The following OR6C74 variants were observed in gnomAD, a reference collection of about 807,000 sequenced individuals.
The protein encoded by OR6C74 is olfactory receptor 6C74.
For missense variants in OR6C74, 361 were observed against 362.9 expected, an observed-to-expected ratio of 0.99 and a Z score of 0.04; for synonymous variants, 142 against 134.2, an observed-to-expected ratio of 1.06 and a Z score of -0.40.
rs1467179154 is a variant in OR6C74, at chr12:55,254,495, C to T, written c.*6269C>T. On this transcript the variant is annotated 3_prime_UTR_variant, in exon 2 of 2. Transcript: ENST00000343399. Reference sequence around the variant, plus strand: ...TTAACCAATATTGCTGTATAATAAACTGCGAGATCAGAGCCTACCTTTGTT... The same window carrying T: ...TTAACCAATATTGCTGTATAATAAATTGCGAGATCAGAGCCTACCTTTGTT... 1.3e-5 allele frequency among the ~76,000 whole-genome samples: 2 copies of T among 152,024 alleles called. No homozygotes were observed. The highest frequency in any genetic ancestry group is 3.9e-4 in the East Asian group (2 of 5,182).
intron 1 of OR6C74, among the ~76,000 whole-genome samples, chr12:55,246,472 A>C (rs1182546002): frequency 6.6e-6 from 1 of 152,166 alleles, no homozygotes; most frequent in East Asian, 1.9e-4. Context: ...TTCCTGCCTC[A>C]TTCTTCCAAG....
In OR6C74 at chr12:55,247,677, C is replaced by T. The variant is rs1290288114; in HGVS notation, c.390C>T (p.Tyr130=). The change falls in exon 2 of 2, where the codon TAC becomes TAT. Residue 130 remains tyrosine, a synonymous_variant. Coordinates refer to ENST00000343399, the MANE Select transcript of OR6C74 (RefSeq NM_001005490.2). ...RYVAICKPLH[Y]TTIMSSRVCS... is the part of the protein sequence containing the mutation. The stretch of plus-strand genomic sequence containing the variant: ...TGGCCATCTGCAAACCCCTGCATTA[C>T]ACCACCATCATGAGCAGCAGAGTTT... 1.9e-6 allele frequency: 3 copies of T among 1,614,008 alleles called. No homozygotes were observed. Among genetic ancestry groups the T allele is most frequent in the Non-Finnish European group, 2.5e-6 (3 of 1,179,978 alleles).
chr12:55,247,249 T>G (rs1265798664), intron 1 of OR6C74, 30 bp from the exon 2 acceptor site: 6 of 1,308,538 alleles, frequency 4.6e-6, no homozygotes, highest in Non-Finnish European at 6.4e-6. Flanking sequence ...CCTCTTCTGT[T>G]CTAATTTTTC....
In OR6C74 at chr12:55,244,829, G is replaced by A. The variant is rs1954261168; in HGVS notation, c.-10+12G>A. On this transcript the variant is annotated intron_variant, in intron 1 of 1. Transcript: ENST00000343399. ...AGAAATGAACCTAGGTAAGATTAAT[G>A]TCATAATAAAATCTTCAAGCCTAAA... is the stretch of plus-strand genomic sequence containing the variant. 6.6e-6 allele frequency among the ~76,000 whole-genome samples: 1 copy of A among 151,950 alleles called. No homozygotes were observed. The highest frequency in any genetic ancestry group is 2.4e-5 in the African/African-American group (1 of 41,382).
Position 55,249,584 on chromosome 12 carries a change from C to T in OR6C74, c.*1358C>T, listed in dbSNP as rs1332216004. 4.0e-5 allele frequency among the ~76,000 whole-genome samples: 6 copies of T among 151,838 alleles called. No individual in the cohort carries two copies. In the East Asian group the frequency reaches 7.7e-4, roughly 20 times the overall value. The stretch of plus-strand genomic sequence containing the variant: ...TATCTAAATAAATATTAACAGGGCA[C>T]TGAGAAGCTGAGAAGATTCAAATAG... On this transcript the variant is annotated 3_prime_UTR_variant, in exon 2 of 2. Transcript: ENST00000343399.
Position 55,250,675 on chromosome 12 carries a change from A to T in OR6C74, c.*2449A>T, listed in dbSNP as rs1005111467. On this transcript the variant is annotated 3_prime_UTR_variant, in exon 2 of 2. Transcript: ENST00000343399. ...AAAAATATTAAAATCTCATTTGTTC[A>T]CCTGTTTAACTCATTTCTAATATTC... Among the ~76,000 whole-genome samples, 1 of 152,048 alleles carries T rather than the reference A, an allele frequency of 6.6e-6. No homozygotes were observed. The highest frequency in any genetic ancestry group is 2.4e-5 in the African/African-American group (1 of 41,414).
chr12:55,255,181 T>C lies in OR6C74; in HGVS notation c.*6955T>C, dbSNP rs772978198. ...TCTCTTTAAAATAGTGGGGGTTCCC[T>C]AAGTTCAGGATTTCACAGTTGTGTT... On this transcript the variant is annotated 3_prime_UTR_variant, in exon 2 of 2. Coordinates refer to ENST00000343399, the MANE Select transcript of OR6C74 (RefSeq NM_001005490.2). Among the ~76,000 whole-genome samples the C allele has an allele frequency of 6.6e-6, 1 of 152,108 alleles. No homozygotes were observed. The highest frequency in any genetic ancestry group is 1.5e-5 in the Non-Finnish European group (1 of 68,002).
chr12:55,246,276 A>G (rs938249706), intron 1 of OR6C74, among the ~76,000 whole-genome samples: 6 of 152,202 alleles, frequency 3.9e-5, no homozygotes, highest in African/African-American at 1.2e-4. Context: ...AAGAAAAGAG[A>G]TGGCCATGGC....
rs996708353 is a variant in OR6C74 at position 55,251,647 on chromosome 12, T to C, written c.*3421T>C. The stretch of plus-strand genomic sequence containing the variant: ...GCAATATGAAAAAAAAATTAGGTGT[T>C]AGAAAACTACAAGTTTACTATAAAT... On this transcript the variant is annotated 3_prime_UTR_variant, in exon 2 of 2. Coordinates refer to ENST00000343399, the MANE Select transcript of OR6C74 (RefSeq NM_001005490.2). 7.2e-5 allele frequency among the ~76,000 whole-genome samples: 11 copies of C among 151,896 alleles called. No individual in the cohort carries two copies. Among genetic ancestry groups the C allele is most frequent in the Admixed American group, 2.0e-4 (3 of 15,224 alleles).
chr12:55,252,785 C>T lies in OR6C74; in HGVS notation c.*4559C>T, dbSNP rs1954319499. Among the ~76,000 whole-genome samples the T allele has an allele frequency of 2.0e-5, 3 of 151,936 alleles. No homozygotes were observed. ...TAGGGAAGGGAAAACTAGGCTATGTCTACTTATAAAATAAAATTCCATAAT... is the reference window on the plus strand; with the variant it reads ...TAGGGAAGGGAAAACTAGGCTATGTTTACTTATAAAATAAAATTCCATAAT... On this transcript the variant is annotated 3_prime_UTR_variant, in exon 2 of 2. Coordinates refer to ENST00000343399, the MANE Select transcript of OR6C74 (RefSeq NM_001005490.2).
At chr12:55,245,281 T>C (rs1285996382) in intron 1 of OR6C74, among the ~76,000 whole-genome samples, 3 of 152,164 alleles carry the variant, frequency 2.0e-5, no homozygotes, top group Admixed American at 6.5e-5. Flanking sequence ...CAACATACAA[T>C]TGAATCTCAG....
At position 55,252,512 on chromosome 12, in the gene OR6C74, A is replaced by AT. The variant is rs1353800109; in HGVS notation, c.*4287dup. Among the ~76,000 whole-genome samples the AT allele has an allele frequency of 6.6e-6, 1 of 151,986 alleles. No individual in the cohort carries two copies. The highest frequency in any genetic ancestry group is 6.6e-5 in the Admixed American group (1 of 15,240). ...CACACAAATGTTTTAAAATATTAAA[A>AT]TGATTATGTTTTCAAGTTTTCTAAT... is the stretch of plus-strand genomic sequence containing the variant. On this transcript the variant is annotated 3_prime_UTR_variant, in exon 2 of 2. Transcript: ENST00000343399.
Position 55,251,945 on chromosome 12 carries a change from A to T in OR6C74, c.*3719A>T, listed in dbSNP as rs1296998992. On this transcript the variant is annotated 3_prime_UTR_variant, in exon 2 of 2. Coordinates refer to ENST00000343399, the MANE Select transcript of OR6C74 (RefSeq NM_001005490.2). Reference sequence around the variant, plus strand: ...ATTACTGTGTTCTCAAAAATTATGGACTTGCTTTTCTTTTTATAAGTGTAA... The same window carrying T: ...ATTACTGTGTTCTCAAAAATTATGGTCTTGCTTTTCTTTTTATAAGTGTAA... Among the ~76,000 whole-genome samples the T allele has an allele frequency of 6.6e-6, 1 of 151,666 alleles. No homozygotes were observed. The highest frequency in any genetic ancestry group is 2.4e-5 in the African/African-American group (1 of 41,396).
At position 55,248,196 on chromosome 12, in the gene OR6C74, C is replaced by A; in HGVS notation, c.909C>A (p.Val303=). The A allele has an allele frequency of 1.2e-6, 2 of 1,608,704 alleles. No homozygotes were observed. The highest frequency in any genetic ancestry group is 1.7e-6 in the Non-Finnish European group (2 of 1,177,100). The change falls in exon 2 of 2, where the codon GTC becomes GTA. Residue 303 remains valine (V), a synonymous_variant. Coordinates refer to ENST00000343399, the MANE Select transcript of OR6C74 (RefSeq NM_001005490.2). ...KQVKDVFKHT[V]KKIELFSMK is the part of the protein sequence containing the mutation. ...TAAAAGATGTTTTTAAGCACACAGT[C>A]AAAAAGATTGAACTTTTCTCAATGA... is the stretch of plus-strand genomic sequence containing the variant.
In OR6C74 at chr12:55,251,226, AG is replaced by A. The variant is rs1204130292; in HGVS notation, c.*3001del. On this transcript the variant is annotated 3_prime_UTR_variant, in exon 2 of 2. Transcript: ENST00000343399. ...CCTGCCCATTGCCCAAATCTCTGTT[AG>A]CTTGCAAAACTTCAATCAGTTAAAG... 4.6e-5 allele frequency among the ~76,000 whole-genome samples: 7 copies of A among 152,100 alleles called. No homozygotes were observed. The highest frequency in any genetic ancestry group is 1.7e-4 in the African/African-American group (7 of 41,444).
At position 55,248,450 on chromosome 12, in the gene OR6C74, C is replaced by A; in HGVS notation, c.*224C>A. The A allele has an allele frequency of 2.2e-6, 1 of 455,718 alleles. No homozygotes were observed. The highest frequency in any genetic ancestry group is 3.8e-6 in the Non-Finnish European group (1 of 260,238). 28.2% of individuals were successfully genotyped at this position (455,718 alleles called of 1,614,324 possible). A position where few individuals can be genotyped will look rare whatever the true frequency, so the allele number is the denominator to read the frequency against. On this transcript the variant is annotated 3_prime_UTR_variant, in exon 2 of 2. Transcript: ENST00000343399. Reference sequence around the variant, plus strand: ...TCTTGGTTTTGGTCAAAATCATTTGCCTGTTATTTATTGCCTCTTTTATTT... The same window carrying A: ...TCTTGGTTTTGGTCAAAATCATTTGACTGTTATTTATTGCCTCTTTTATTT...
At position 55,247,609 on chromosome 12, in the gene OR6C74, AC is replaced by A; in HGVS notation, c.323del (p.Thr108MetfsTer27). 1 of 1,613,854 alleles carries A rather than the reference AC, an allele frequency of 6.2e-7. No homozygotes were observed. Among genetic ancestry groups the A allele is most frequent in the Non-Finnish European group, 8.5e-7 (1 of 1,179,934 alleles). ...QLFFTILLGA[T>X]EFFLLAAMSY... The stretch of plus-strand genomic sequence containing the variant: ...GTTTTTCACTATTCTCTTGGGGGCA[AC>A]TGAATTTTTTCTTCTGGCTGCCATG... On this transcript the variant is annotated frameshift_variant, in exon 2 of 2. Transcript: ENST00000343399. LOFTEE classifies it low-confidence loss of function (END_TRUNC).
rs576359698 is a variant in OR6C74 at position 55,253,099 on chromosome 12, A to G, written c.*4873A>G. On this transcript the variant is annotated 3_prime_UTR_variant, in exon 2 of 2. Coordinates refer to ENST00000343399, the MANE Select transcript of OR6C74 (RefSeq NM_001005490.2). The stretch of plus-strand genomic sequence containing the variant: ...AATGATGGCAAAGGGCTAGAGTACA[A>G]AGGTATACCATTTTATTTGCAGGTT... Among the ~76,000 whole-genome samples the G allele has an allele frequency of 1.6e-4, 25 of 152,158 alleles. No individual in the cohort carries two copies. Among genetic ancestry groups the G allele is most frequent in the South Asian group, 1.4e-3 (7 of 4,828 alleles).
At position 55,252,655 on chromosome 12, in the gene OR6C74, T is replaced by C. The variant is rs1954318850; in HGVS notation, c.*4429T>C. ...CTCTTTTAATTCAACTTTCTTTTGATAATGGGTTACTTTTTCCCATATTTT... is the reference window on the plus strand; with the variant it reads ...CTCTTTTAATTCAACTTTCTTTTGACAATGGGTTACTTTTTCCCATATTTT... On this transcript the variant is annotated 3_prime_UTR_variant, in exon 2 of 2. Coordinates refer to ENST00000343399, the MANE Select transcript of OR6C74 (RefSeq NM_001005490.2). 6.6e-6 allele frequency among the ~76,000 whole-genome samples: 1 copy of C among 151,980 alleles called. No individual in the cohort carries two copies. Among genetic ancestry groups the C allele is most frequent in the Admixed American group, 6.6e-5 (1 of 15,240 alleles).
Sources: allele counts gnomAD v4.1 joint callset (sites outside exome capture counted in the v4.1 genomes callset), GRCh38; gene constraint gnomAD v4.1.1; transcripts MANE v1.5; gene names NCBI Gene and HGNC (gene_info 2026-07-23, HGNC 2026-07-21).